GRIA1: variants seen among roughly 807,000 people sequenced by gnomAD.
GRIA1 encodes the protein glutamate receptor 1.
In GRIA1, 31 loss-of-function variants were observed where a neutral mutation model predicts 99.2. The observed-to-expected ratio is 0.31, with a 90% CI of 0.23 to 0.42. GRIA1 has a LOEUF of 0.42. Ranked by LOEUF, GRIA1 falls within the 10% of genes least tolerant of loss-of-function variation. The pLI is 1.00. For missense variants in GRIA1, 782 were observed against 1,157.5 expected (o/e 0.68, Z 4.71); for synonymous variants, 438 against 432.4 (o/e 1.01, Z -0.16).
chr5:153,733,723 G>GA (rs1255611192), intron 11 of GRIA1, among the ~76,000 whole-genome samples: 9 of 152,096 alleles, frequency 5.9e-5, no homozygotes, highest in East Asian at 3.9e-4. Context: ...ATTTATATCA[G>GA]AAAAAATACA....
chr5:153,512,746 T>G (rs969982316), intron 2 of GRIA1, among the ~76,000 whole-genome samples: 2 of 152,204 alleles, frequency 1.3e-5, no homozygotes, highest in Non-Finnish European at 1.5e-5. Context: ...CAGCATCCGT[T>G]GAATAGCAAA....
At chr5:153,664,528 G>C (rs533487301) in intron 5 of GRIA1, among the ~76,000 whole-genome samples, 10 of 151,130 alleles carry the variant, frequency 6.6e-5, no homozygotes, top group Non-Finnish European at 1.3e-4. Flanking sequence ...TTTTTTTCAG[G>C]CTTCATGCTT....
chr5:153,788,012 G>A (rs576694478), intron 13 of GRIA1, among the ~76,000 whole-genome samples: 8 of 152,076 alleles, frequency 5.3e-5, no homozygotes, highest in South Asian at 4.2e-4. Flanking sequence ...CCCAGGAGGC[G>A]TAGCTTGCAG....
In GRIA1 at chr5:153,753,310, T is replaced by C. The variant is rs1301128773; in HGVS notation, c.1824-11124T>C. On this transcript the variant is annotated intron_variant, in intron 11 of 15. Coordinates refer to ENST00000285900, the MANE Select transcript of GRIA1 (RefSeq NM_000827.4). ...ATACAACAATGGAATAAAAATCCAA[T>C]TATATCAGATATTGGTGGTCAGACT... Among the ~76,000 whole-genome samples, 3 of 152,198 alleles carry C rather than the reference T, an allele frequency of 2.0e-5. 1 individual carries two copies. The South Asian group carries it at 6.2e-4, about 32-fold the overall frequency.
At position 153,811,024 on chromosome 5, in the gene GRIA1, G is replaced by C; in HGVS notation, c.2521-1G>C. 1 of 1,613,414 alleles carries C rather than the reference G, an allele frequency of 6.2e-7. No homozygotes were observed. The highest frequency in any genetic ancestry group is 8.5e-7 in the Non-Finnish European group (1 of 1,179,360). Reference sequence around the variant, plus strand: ...GAAGAACCCCCGGTCCTCCTGAAAAGGGTTTTTGTTTGATCCCACAGCAAT... The same window carrying C: ...GAAGAACCCCCGGTCCTCCTGAAAACGGTTTTTGTTTGATCCCACAGCAAT... On this transcript the variant is annotated splice_acceptor_variant, in intron 15 of 15. Transcript: ENST00000285900. LOFTEE classifies it high-confidence loss of function.
At chr5:153,790,293 G>A (rs1204136571) in intron 13 of GRIA1, among the ~76,000 whole-genome samples, 2 of 151,972 alleles carry the variant, frequency 1.3e-5, no homozygotes, top group South Asian at 2.1e-4. Flanking sequence ...TAATTTTTTC[G>A]AGACAAAAAA....
intron 11 of GRIA1, among the ~76,000 whole-genome samples, chr5:153,751,937 T>C (rs369600818): frequency 6.6e-6 from 1 of 152,280 alleles, no homozygotes; most frequent in East Asian, 1.9e-4. Flanking sequence ...TGAGCATCTT[T>C]CCTCTCCCAC....
intron 7 of GRIA1, among the ~76,000 whole-genome samples, chr5:153,679,682 G>A (rs1756837772): frequency 6.6e-6 from 1 of 152,228 alleles, no homozygotes; most frequent in Admixed American, 6.5e-5. Flanking sequence ...CCACCAGGGA[G>A]CTGGGTAAAT....
chr5:153,679,350 C>A (rs1756813337), intron 7 of GRIA1, among the ~76,000 whole-genome samples: 1 of 152,236 alleles, frequency 6.6e-6, no homozygotes, highest in South Asian at 2.1e-4. Context: ...CAAATCGATT[C>A]ATTTTCCAAT....
At chr5:153,746,790 G>A (rs1416107574) in intron 11 of GRIA1, among the ~76,000 whole-genome samples, 12 of 152,218 alleles carry the variant, frequency 7.9e-5, no homozygotes, top group Non-Finnish European at 1.6e-4. Context: ...GGAAATGGGA[G>A]GAAGTCCCAT....
chr5:153,515,644 G>T (rs1481095198), intron 2 of GRIA1, among the ~76,000 whole-genome samples: 1 of 152,194 alleles, frequency 6.6e-6, no homozygotes, highest in Non-Finnish European at 1.5e-5. Flanking sequence ...TGACAAGTAT[G>T]TGAGGTTATG....
At chr5:153,614,500 A>T (rs572139402) in intron 2 of GRIA1, among the ~76,000 whole-genome samples, 1 of 152,330 alleles carries the variant, frequency 6.6e-6, no homozygotes, top group South Asian at 2.1e-4. Flanking sequence ...CCGTTTTGCA[A>T]ATAAGGAAAC....
chr5:153,668,212 A>G (rs1331136043), intron 5 of GRIA1, among the ~76,000 whole-genome samples: 1 of 152,126 alleles, frequency 6.6e-6, no homozygotes, highest in African/African-American at 2.4e-5. Flanking sequence ...AACTGGCCAT[A>G]TAACCTTAAG....
intron 11 of GRIA1, among the ~76,000 whole-genome samples, chr5:153,715,956 G>T (rs2149533170): frequency 6.6e-6 from 1 of 152,214 alleles, no homozygotes; most frequent in African/African-American, 2.4e-5. Flanking sequence ...ACTCAGTCCT[G>T]GTCCCTGAAT....
intron 2 of GRIA1, among the ~76,000 whole-genome samples, chr5:153,627,828 C>T (rs1461210049): frequency 6.6e-6 from 1 of 152,172 alleles, no homozygotes; most frequent in Non-Finnish European, 1.5e-5. Flanking sequence ...GTATCATGGT[C>T]GGTAGACCAG....
chr5:153,775,917 T>C (rs1003735449), intron 13 of GRIA1, among the ~76,000 whole-genome samples: 21 of 149,818 alleles, frequency 1.4e-4, no homozygotes, highest in African/African-American at 5.2e-4. Flanking sequence ...AAAAAAAACA[T>C]GGGGCTTGTT....
chr5:153,546,469 G>A (rs566201678), intron 2 of GRIA1, among the ~76,000 whole-genome samples: 29 of 152,198 alleles, frequency 1.9e-4, no homozygotes, highest in African/African-American at 6.3e-4. Flanking sequence ...AATTATTACC[G>A]ATGATGATAA....
At chr5:153,766,290 C>G (rs1329649902) in intron 12 of GRIA1, among the ~76,000 whole-genome samples, 1 of 152,204 alleles carries the variant, frequency 6.6e-6, no homozygotes, top group Non-Finnish European at 1.5e-5. Flanking sequence ...AATCTCATTA[C>G]AATTCCCTGA....
chr5:153,778,188 AGAGAGTGT>A (rs1411185197), intron 13 of GRIA1, among the ~76,000 whole-genome samples: 40 of 86,284 alleles, frequency 4.6e-4, no homozygotes, highest in African/African-American at 8.8e-4. Flanking sequence ...AGAGAGAGAG[AGAGAGTGT>A]GTGTGTGTGT....
Sources: gnomAD v4.1 joint callset for allele counts (sites outside exome capture counted in the v4.1 genomes callset) on GRCh38, gnomAD v4.1.1 for gene constraint, MANE v1.5 for transcripts, NCBI Gene and HGNC (gene_info 2026-07-23, HGNC 2026-07-21) for gene names.